GDA: variants seen among roughly 807,000 people sequenced by gnomAD.
GDA encodes guanine deaminase, also known as cytoplasmic PSD-95 interactor.
Under a neutral mutation model 59.6 loss-of-function variants are expected in GDA, and 18 were observed. The observed-to-expected ratio is 0.30, with a 90% CI of 0.21 to 0.45. The LOEUF is 0.45. Among genes scored for constraint, GDA ranks in the 20% least tolerant of loss-of-function variants. The pLI is 1.00. For missense variants in GDA, 427 were observed against 552.3 expected (o/e 0.77, Z 2.27); for synonymous variants, 201 against 201.1 (o/e 1.00, Z 0.00).
intron 1 of GDA, among the ~76,000 whole-genome samples, chr9:72,180,622 G>A (rs1038673927): frequency 6.6e-6 from 1 of 152,186 alleles, no homozygotes; most frequent in African/African-American, 2.4e-5. Flanking sequence ...TTGCTTGTTT[G>A]ATGATTTCAG....
chr9:72,193,782 C>A (rs1195570223), intron 1 of GDA: 1 of 152,232 alleles, frequency 6.6e-6, no homozygotes, highest in East Asian at 1.9e-4. Flanking sequence ...AGGGAGCTAG[C>A]GATTAGAGTC....
chr9:72,119,000 A>T (rs557882419), intron 1 of GDA, among the ~76,000 whole-genome samples: 2 of 152,336 alleles, frequency 1.3e-5, no homozygotes, highest in South Asian at 4.1e-4. Context: ...GTCACTAAAT[A>T]TTAATGAAAT....
At chr9:72,200,050 T>G (rs914189049) in intron 2 of GDA, among the ~76,000 whole-genome samples, 1 of 145,024 alleles carries the variant, frequency 6.9e-6, no homozygotes. Flanking sequence ...CAGGCTGGAG[T>G]GCAGTGGCAT....
intron 10 of GDA, 64 bp from the exon 11 acceptor site, chr9:72,241,088 A>G: frequency 1.7e-6 from 2 of 1,156,996 alleles, no homozygotes; most frequent in East Asian, 2.4e-5. Flanking sequence ...AAACAATGTT[A>G]TATATGTATT....
At chr9:72,228,204 A>G (rs1423082170) in intron 9 of GDA, 164 bp downstream of exon 9, 1 of 596,888 alleles carries the variant, frequency 1.7e-6, no homozygotes, top group Non-Finnish European at 3.0e-6. Context: ...GGAGTAAAAG[A>G]GAACACGTAA....
intron 1 of GDA, among the ~76,000 whole-genome samples, chr9:72,160,101 C>A (rs957774864): frequency 5.3e-5 from 8 of 151,966 alleles, no homozygotes; most frequent in Non-Finnish European, 7.4e-5. Flanking sequence ...AGATCGAGAC[C>A]ATCCTGGCCA....
At chr9:72,162,482 G>A (rs974642491) in intron 1 of GDA, among the ~76,000 whole-genome samples, 2 of 151,908 alleles carry the variant, frequency 1.3e-5, no homozygotes, top group Admixed American at 6.6e-5. Context: ...GAGAGGGAGG[G>A]GAAAGGCCTA....
intron 1 of GDA, among the ~76,000 whole-genome samples, chr9:72,130,792 G>C (rs545407804): frequency 6.6e-6 from 1 of 152,238 alleles, no homozygotes; most frequent in South Asian, 2.1e-4. Context: ...TAAGTTTAGA[G>C]TTTAATTAGG....
chr9:72,243,924 C>T (rs1185692715), intron 11 of GDA, among the ~76,000 whole-genome samples: 1 of 152,062 alleles, frequency 6.6e-6, no homozygotes, highest in Admixed American at 6.6e-5. Flanking sequence ...GCCTGTAATC[C>T]CAGCACTTTG....
chr9:72,258,842 G>A (rs557510206), downstream of GDA, among the ~76,000 whole-genome samples: 4 of 152,254 alleles, frequency 2.6e-5, no homozygotes, highest in African/African-American at 9.6e-5. Context: ...CTGCTGCAGT[G>A]TGCCCCACCA....
intron 1 of GDA, among the ~76,000 whole-genome samples, chr9:72,164,214 T>C (rs1460126606): frequency 6.6e-6 from 1 of 152,216 alleles, no homozygotes. Flanking sequence ...ACTAGACTAA[T>C]TCCTCTTGTT....
intron 9 of GDA, among the ~76,000 whole-genome samples, chr9:72,230,093 C>G (rs767588508): frequency 6.6e-6 from 1 of 152,102 alleles, no homozygotes; most frequent in Non-Finnish European, 1.5e-5. Flanking sequence ...ATGTATGCAC[C>G]AGGGCTTTCA....
chr9:72,222,413 TG>T (rs1420421311), intron 6 of GDA, among the ~76,000 whole-genome samples: 2 of 152,210 alleles, frequency 1.3e-5, no homozygotes, highest in Non-Finnish European at 2.9e-5. Context: ...TTAATTGGGT[TG>T]TTTTTTTCTT....
intron 1 of GDA, among the ~76,000 whole-genome samples, chr9:72,180,828 A>G (rs1831108551): frequency 6.6e-6 from 1 of 152,248 alleles, no homozygotes; most frequent in African/African-American, 2.4e-5. Flanking sequence ...CAAGTTTTCA[A>G]GTATATTCAA....
intron 9 of GDA, chr9:72,229,198 A>AT: frequency 6.1e-6 from 1 of 164,332 alleles, no homozygotes. Context: ...AAAAAAAAAA[A>AT]ATATTAGCCG....
intron 7 of GDA, among the ~76,000 whole-genome samples, chr9:72,224,139 C>A (rs1294765118): frequency 6.6e-6 from 1 of 151,940 alleles, no homozygotes; most frequent in East Asian, 1.9e-4. Flanking sequence ...CTGTCGCCGA[C>A]AAAATAAAAT....
rs533836187 is a variant in GDA, at chr9:72,154,908, G to A, written c.123+5226G>A. On this transcript the variant is annotated intron_variant, in intron 1 of 13. Transcript: ENST00000358399. ...TGAGCCAAACACTGGGGTTTTCACC[G>A]GAGATAAATTGATGAACAAAGTATG... is the stretch of plus-strand genomic sequence containing the variant. Among the ~76,000 whole-genome samples the A allele has an allele frequency of 3.4e-4, 51 of 152,204 alleles. 1 individual carries two copies. Among genetic ancestry groups the A allele is most frequent in the African/African-American group, 1.2e-3 (51 of 41,506 alleles).
At chr9:72,152,750 C>G (rs888567940) in intron 1 of GDA, among the ~76,000 whole-genome samples, 1 of 152,106 alleles carries the variant, frequency 6.6e-6, no homozygotes, top group African/African-American at 2.4e-5. Context: ...TGCCTGTTCA[C>G]TCTGATGGTA....
At chr9:72,199,555 A>G (rs1011253847) in intron 2 of GDA, among the ~76,000 whole-genome samples, 3 of 152,150 alleles carry the variant, frequency 2.0e-5, no homozygotes, top group Non-Finnish European at 4.4e-5. Flanking sequence ...TCACTACCAA[A>G]TATTTTAAAA....
Sources: allele counts gnomAD v4.1 joint callset (sites outside exome capture counted in the v4.1 genomes callset), GRCh38; gene constraint gnomAD v4.1.1; transcripts MANE v1.5; gene names NCBI Gene and HGNC (gene_info 2026-07-23, HGNC 2026-07-21).